Variants in CDKL1 observed in about 807,000 individuals in gnomAD.
CDKL1 encodes the protein cyclin dependent kinase like 1.
CDKL1 carries 41 observed loss-of-function variants against 42.0 expected under a neutral mutation model. That is an observed-to-expected ratio of 0.98 (90% confidence interval 0.76 to 1.27). The LOEUF (loss-of-function observed/expected upper bound fraction) is 1.27. Ranked by LOEUF, CDKL1 falls within the 50% of genes most tolerant of loss-of-function variation. CDKL1 has a pLI of 0.00. For missense variants in CDKL1, 394 were observed against 428.4 expected (o/e 0.92, Z 0.71); for synonymous variants, 153 against 158.6 (o/e 0.96, Z 0.26).
intron 5 of CDKL1, 115 bp from the exon 6 acceptor site, chr14:50,341,347 G>A: frequency 1.5e-6 from 2 of 1,363,050 alleles, no homozygotes; most frequent in Non-Finnish European, 1.9e-6. Flanking sequence ...CTATATCGCT[G>A]GTTCTCAATT....
At chr14:50,336,494 C>A (rs1256580877) in intron 7 of CDKL1, among the ~76,000 whole-genome samples, 1 of 152,138 alleles carries the variant, frequency 6.6e-6, no homozygotes, top group Non-Finnish European at 1.5e-5. Context: ...CCCAGCAAGA[C>A]CCACTTTGAA....
chr14:50,335,730 CTGCCG>C lies in CDKL1; in HGVS notation c.739-1114_739-1110del, dbSNP rs752251074. On this transcript the variant is annotated intron_variant, in intron 7 of 9. Coordinates refer to ENST00000395834, the MANE Select transcript of CDKL1 (RefSeq NM_004196.7). Reference sequence around the variant, plus strand: ...GTGTATAAAAGTGGCAGTGTGTGAGCTGCCGACTGGAGTGACTGGCCAGGCTCATC... The same window carrying C: ...GTGTATAAAAGTGGCAGTGTGTGAGCACTGGAGTGACTGGCCAGGCTCATC... 5,159 of 985,260 alleles carry C rather than the reference CTGCCG, an allele frequency of 5.2e-3. 183 individuals are homozygous for C. The East Asian group carries it at 0.14, about 28-fold the overall frequency. 61.0% of individuals were successfully genotyped at this position (985,260 alleles called of 1,614,324 possible). A position where few individuals can be genotyped will look rare whatever the true frequency, so the allele number is the denominator to read the frequency against.
At chr14:50,375,064 C>A (rs2034691569) in intron 2 of CDKL1, among the ~76,000 whole-genome samples, 1 of 151,690 alleles carries the variant, frequency 6.6e-6, no homozygotes, top group South Asian at 2.1e-4. Context: ...TGGAACAAAC[C>A]CACACATTCT....
chr14:50,334,384 G>A (rs7141402), intron 8 of CDKL1, 181 bp downstream of exon 8: 323,644 of 562,392 alleles, frequency 0.58, 93,551 homozygotes, highest in East Asian at 0.6. Context: ...ACTGACCTCA[G>A]GTGATCTGCC....
intron 5 of CDKL1, among the ~76,000 whole-genome samples, chr14:50,341,456 TG>T (rs10598932): frequency 0.082 from 5,609 of 68,474 alleles, 289 homozygotes; most frequent in East Asian, 0.43. Flanking sequence ...GGGGAGGGTC[TG>T]GGGGGGGGGG....
Position 50,326,305 on chromosome 14 carries a change from A to G in CDKL1, c.*3769T>C, listed in dbSNP as rs1366375237. 1 of 506,392 alleles carries G rather than the reference A, an allele frequency of 2.0e-6. No homozygotes were observed. Among genetic ancestry groups the G allele is most frequent in the Non-Finnish European group, 2.5e-6 (1 of 392,858 alleles). The allele number at this position is 506,392 out of a possible 1,614,324, so 31.4% of individuals were successfully genotyped here. On this transcript the variant is annotated 3_prime_UTR_variant, in exon 10 of 10. Transcript: ENST00000395834. ...ATTCATTTAATATGTAAATCTATAG[A>G]TATCTCTTGATGTAGATATTTAGAA...
In CDKL1 at chr14:50,395,613, G is replaced by A. The variant is rs367908589; in HGVS notation, c.168+88C>T. 386 of 874,368 alleles carry A rather than the reference G, an allele frequency of 4.4e-4. 3 individuals carry two copies. The South Asian group carries it at 5.8e-3, about 13-fold the overall frequency. 54.2% of individuals were successfully genotyped at this position (874,368 alleles called of 1,614,324 possible). A position where few individuals can be genotyped will look rare whatever the true frequency, so the allele number is the denominator to read the frequency against. ...GCCCAGGAGTTCCAGGCTGCTGTGA[G>A]CTATGATCACATGGCTGCACTCCAG... On this transcript the variant is annotated intron_variant, in intron 2 of 9. Coordinates refer to ENST00000395834, the MANE Select transcript of CDKL1 (RefSeq NM_004196.7).
chr14:50,368,412 T>C (rs2034491304), intron 2 of CDKL1, among the ~76,000 whole-genome samples: 1 of 152,004 alleles, frequency 6.6e-6, no homozygotes, highest in African/African-American at 2.4e-5. Context: ...CACACCATCA[T>C]AACAAGCTAG....
intron 2 of CDKL1, among the ~76,000 whole-genome samples, chr14:50,364,429 A>G (rs2034380786): frequency 6.6e-6 from 1 of 152,218 alleles, no homozygotes; most frequent in African/African-American, 2.4e-5. Context: ...AGATTGTGCC[A>G]CTGCACTCCA....
chr14:50,389,324 C>T (rs527915477), intron 2 of CDKL1, among the ~76,000 whole-genome samples: 13 of 152,130 alleles, frequency 8.5e-5, no homozygotes, highest in Non-Finnish European at 1.5e-5. Context: ...TGCCACTCGC[C>T]CACACCCCAT....
chr14:50,390,136 A>G (rs763535270), intron 2 of CDKL1: 1 of 1,365,580 alleles, frequency 7.3e-7, no homozygotes, highest in South Asian at 1.1e-5. Flanking sequence ...TACCTGCCAC[A>G]TAGCAGTAGA....
At position 50,336,159 on chromosome 14, in the gene CDKL1, C is replaced by G. The variant is rs773323927; in HGVS notation, c.739-1538G>C. 5.1e-6 allele frequency: 7 copies of G among 1,364,032 alleles called. No homozygotes were observed. The East Asian group carries it at 2.7e-4, about 53-fold the overall frequency. 84.5% of individuals were successfully genotyped at this position (1,364,032 alleles called of 1,614,324 possible). On this transcript the variant is annotated intron_variant, in intron 7 of 9. Coordinates refer to ENST00000395834, the MANE Select transcript of CDKL1 (RefSeq NM_004196.7). ...TGATACGCTGGAGCCCATCTGTGAGCGTTTCACAGCCCCAGAAGCAAGCAG... is the reference window on the plus strand; with the variant it reads ...TGATACGCTGGAGCCCATCTGTGAGGGTTTCACAGCCCCAGAAGCAAGCAG...
In CDKL1 at chr14:50,387,989, C is replaced by CG. The variant is rs537811338; in HGVS notation, c.168+7711dup. Among the ~76,000 whole-genome samples the CG allele has an allele frequency of 2.2e-3, 336 of 152,266 alleles. 3 individuals are homozygous for CG. Among genetic ancestry groups the CG allele is most frequent in the African/African-American group, 7.6e-3 (317 of 41,566 alleles). On this transcript the variant is annotated intron_variant, in intron 2 of 9. Coordinates refer to ENST00000395834, the MANE Select transcript of CDKL1 (RefSeq NM_004196.7). ...TCGACTCACCGCCACCTCCACCTCC[C>CG]GGGTTCAAGCGATTCTCCTGCCTCA...
In CDKL1 at chr14:50,383,580, A is replaced by C. The variant is rs2034988353; in HGVS notation, c.168+12121T>G. Among the ~76,000 whole-genome samples the C allele has an allele frequency of 1.3e-5, 2 of 151,550 alleles. 1 individual carries two copies. The highest frequency in any genetic ancestry group is 4.8e-5 in the African/African-American group (2 of 41,278). The stretch of plus-strand genomic sequence containing the variant: ...AAAAAAAAAAACAAACAACAACAAC[A>C]ACAACAACAAAATGCTGTCCACCTA... On this transcript the variant is annotated intron_variant, in intron 2 of 9. Transcript: ENST00000395834.
intron 2 of CDKL1, among the ~76,000 whole-genome samples, chr14:50,362,633 C>T (rs1387760483): frequency 6.6e-6 from 1 of 152,168 alleles, no homozygotes; most frequent in Non-Finnish European, 1.5e-5. Context: ...CACTCTGTAT[C>T]TAGCTACTCT....
At chr14:50,386,363 T>C (rs2035081076) in intron 2 of CDKL1, among the ~76,000 whole-genome samples, 1 of 151,988 alleles carries the variant, frequency 6.6e-6, no homozygotes, top group African/African-American at 2.4e-5. Flanking sequence ...GAGCCCAGGA[T>C]TTCAAGAATA....
At chr14:50,334,837 A>G (rs533320571) in intron 7 of CDKL1, 84 of 503,034 alleles carry the variant, frequency 1.7e-4, no homozygotes, top group Admixed American at 1.8e-4. Context: ...CTTCGTAACT[A>G]CTCCCTTAAC....
At position 50,342,913 on chromosome 14, in the gene CDKL1, GGA is replaced by G. The variant is rs11570831; in HGVS notation, c.364-693_364-692del. On this transcript the variant is annotated intron_variant, in intron 4 of 9. Coordinates refer to ENST00000395834, the MANE Select transcript of CDKL1 (RefSeq NM_004196.7). ...GTAGGCAGCAGCCCTCACCCTCTGGGGAGAGTCGCTAGATGTCAGCTCTGTCC... is the reference window on the plus strand; with the variant it reads ...GTAGGCAGCAGCCCTCACCCTCTGGGGAGTCGCTAGATGTCAGCTCTGTCC... 1,788 of 1,341,270 alleles carry G rather than the reference GGA, an allele frequency of 1.3e-3. 17 individuals are homozygous for G. The African/African-American group carries it at 0.024, about 18-fold the overall frequency. The allele number at this position is 1,341,270 out of a possible 1,614,324, so 83.1% of individuals were successfully genotyped here.
chr14:50,377,099 CTT>C (rs1194532541), intron 2 of CDKL1, among the ~76,000 whole-genome samples: 2 of 152,178 alleles, frequency 1.3e-5, no homozygotes, highest in African/African-American at 4.8e-5. Context: ...CCTCTTTTGT[CTT>C]GTTTCCCATT....
Sources: allele counts gnomAD v4.1 joint callset (sites outside exome capture counted in the v4.1 genomes callset), GRCh38; gene constraint gnomAD v4.1.1; transcripts MANE v1.5; gene names NCBI Gene and HGNC (gene_info 2026-07-23, HGNC 2026-07-21).